Variants in KCNIP4 observed in about 807,000 individuals in gnomAD.
KCNIP4 encodes Kv channel-interacting protein 4.
KCNIP4 carries 12 observed loss-of-function variants against 34.0 expected under a neutral mutation model. The ratio of observed to expected loss-of-function variants is 0.35; its 90% CI spans 0.23 to 0.57. The LOEUF is 0.57. KCNIP4 is among the 20% of genes least tolerant of loss of function. The probability of loss-of-function intolerance (pLI) is 0.83; values close to 1 mark genes in which losing one functional copy is unlikely to be tolerated. For missense variants in KCNIP4, 238 were observed against 311.7 expected (o/e 0.76, Z 1.78); for synonymous variants, 124 against 102.2 (o/e 1.21, Z -1.29).
chr4:21,459,694 C>G (rs1405409469), intron 1 of KCNIP4, among the ~76,000 whole-genome samples: 1 of 152,058 alleles, frequency 6.6e-6, no homozygotes, highest in South Asian at 2.1e-4. Flanking sequence ...ACTCTCCCCC[C>G]ATTTCAGGAC....
intron 1 of KCNIP4, among the ~76,000 whole-genome samples, chr4:21,340,228 T>G (rs1465808329): frequency 6.6e-6 from 1 of 150,404 alleles, no homozygotes; most frequent in African/African-American, 2.5e-5. Context: ...CTCTACAAAT[T>G]TATGATCTCC....
chr4:21,664,744 A>C (rs1268190348), intron 1 of KCNIP4, among the ~76,000 whole-genome samples: 2 of 152,120 alleles, frequency 1.3e-5, no homozygotes, highest in Non-Finnish European at 2.9e-5. Flanking sequence ...CTGTTCCTTC[A>C]TCTCACCATG....
intron 1 of KCNIP4, among the ~76,000 whole-genome samples, chr4:21,667,207 A>G (rs1749044531): frequency 6.6e-6 from 1 of 152,214 alleles, no homozygotes; most frequent in East Asian, 1.9e-4. Context: ...TCATAATTCT[A>G]TAGACCTTAG....
chr4:21,931,884 C>T (rs1466800444), intron 1 of KCNIP4, among the ~76,000 whole-genome samples: 1 of 152,108 alleles, frequency 6.6e-6, no homozygotes, highest in Non-Finnish European at 1.5e-5. Context: ...AACTAGTTTA[C>T]AGTCCCACCA....
At chr4:21,479,937 C>A (rs1731288360) in intron 1 of KCNIP4, among the ~76,000 whole-genome samples, 2 of 151,300 alleles carry the variant, frequency 1.3e-5, no homozygotes, top group Admixed American at 6.6e-5. Flanking sequence ...GAATGAGAAA[C>A]CAAGATAAAT....
At chr4:20,860,617 C>T (rs1722095086) in intron 2 of KCNIP4, among the ~76,000 whole-genome samples, 1 of 152,140 alleles carries the variant, frequency 6.6e-6, no homozygotes, top group Admixed American at 6.6e-5. Context: ...ACCCTCTGAG[C>T]CATTACTCCT....
intron 1 of KCNIP4, among the ~76,000 whole-genome samples, chr4:21,077,738 A>C (rs1346913412): frequency 1.3e-5 from 2 of 152,148 alleles, no homozygotes; most frequent in Non-Finnish European, 2.9e-5. Context: ...ATATAAAAGC[A>C]TAAAGAGTAC....
At chr4:21,607,245 G>C (rs562692076) in intron 1 of KCNIP4, among the ~76,000 whole-genome samples, 1 of 152,194 alleles carries the variant, frequency 6.6e-6, no homozygotes, top group South Asian at 2.1e-4. Context: ...TTCCTCAACT[G>C]TAAACCACAG....
At chr4:20,763,611 CA>C (rs1264878844) in intron 3 of KCNIP4, among the ~76,000 whole-genome samples, 2 of 152,112 alleles carry the variant, frequency 1.3e-5, no homozygotes, top group Non-Finnish European at 2.9e-5. Flanking sequence ...AGAAAGAAGA[CA>C]AGAATGCAGA....
intron 1 of KCNIP4, among the ~76,000 whole-genome samples, chr4:21,149,482 T>A (rs1463575314): frequency 6.6e-6 from 1 of 152,088 alleles, no homozygotes; most frequent in Non-Finnish European, 1.5e-5. Context: ...GAGACAGCAA[T>A]GTCTGCAGAA....
intron 1 of KCNIP4, among the ~76,000 whole-genome samples, chr4:21,680,506 T>C (rs2109023195): frequency 6.6e-6 from 1 of 152,352 alleles, no homozygotes; most frequent in African/African-American, 2.4e-5. Context: ...TCTAGAATGG[T>C]GAAACCTTTC....
intron 1 of KCNIP4, among the ~76,000 whole-genome samples, chr4:21,141,243 A>T (rs915615129): frequency 6.6e-6 from 1 of 152,180 alleles, no homozygotes; most frequent in African/African-American, 2.4e-5. Context: ...AATGGCACTG[A>T]TAGACTCGTT....
chr4:21,787,494 A>C (rs772111405), intron 1 of KCNIP4, among the ~76,000 whole-genome samples: 3 of 152,176 alleles, frequency 2.0e-5, no homozygotes, highest in Admixed American at 6.5e-5. Flanking sequence ...TATTATACTA[A>C]ATGCTCTTTG....
intron 1 of KCNIP4, among the ~76,000 whole-genome samples, chr4:21,804,928 T>C (rs2109259201): frequency 6.6e-6 from 1 of 152,314 alleles, no homozygotes; most frequent in East Asian, 1.9e-4. Flanking sequence ...AACAAATTTA[T>C]AATGTTTACC....
chr4:20,771,276 C>T (rs1341243763), intron 3 of KCNIP4, among the ~76,000 whole-genome samples: 1 of 152,184 alleles, frequency 6.6e-6, no homozygotes, highest in African/African-American at 2.4e-5. Flanking sequence ...CTCTCCCAGT[C>T]TGATTTCTGT....
chr4:21,376,768 G>A (rs1320188059), intron 1 of KCNIP4, among the ~76,000 whole-genome samples: 1 of 152,290 alleles, frequency 6.6e-6, no homozygotes, highest in Middle Eastern at 3.4e-3. Context: ...GCACACAGGG[G>A]ACTCAGTAAT....
intron 1 of KCNIP4, among the ~76,000 whole-genome samples, chr4:21,549,199 C>T (rs1482344172): frequency 6.6e-6 from 1 of 151,998 alleles, no homozygotes; most frequent in African/African-American, 2.4e-5. Context: ...ATGATGTTTA[C>T]TACTTGCCAG....
chr4:21,285,277 C>A (rs376894037), intron 1 of KCNIP4, among the ~76,000 whole-genome samples: 30 of 152,192 alleles, frequency 2.0e-4, no homozygotes, highest in East Asian at 9.7e-4. Context: ...AAATATTCCC[C>A]ACTCCATATC....
At chr4:21,047,401 T>C (rs1377717229) in intron 1 of KCNIP4, among the ~76,000 whole-genome samples, 2 of 152,190 alleles carry the variant, frequency 1.3e-5, no homozygotes, top group African/African-American at 4.8e-5. Flanking sequence ...TACCATTTCA[T>C]TGAGTGTTTC....
Sources: allele counts gnomAD v4.1 joint callset (sites outside exome capture counted in the v4.1 genomes callset), GRCh38; gene constraint gnomAD v4.1.1; transcripts MANE v1.5; gene names NCBI Gene and HGNC (gene_info 2026-07-23, HGNC 2026-07-21).